The following PKIB variants were observed in gnomAD, a reference collection of about 807,000 sequenced individuals.
The protein encoded by PKIB is cAMP-dependent protein kinase inhibitor beta, also known as PKI-beta.
PKIB carries 2 observed loss-of-function variants against 4.5 expected under a neutral mutation model. The observed-to-expected ratio is 0.44, with a 90% CI of 0.18 to 1.39. The LOEUF is 1.39. Ranked by LOEUF, PKIB falls within the 40% of genes most tolerant of loss-of-function variation. The pLI is 0.27. For missense variants in PKIB, 94 were observed against 92.6 expected (o/e 1.02, Z -0.06); for synonymous variants, 38 against 36.0 (o/e 1.06, Z -0.20).
At chr6:122,690,936 T>A (rs199690153) in intron 3 of PKIB, among the ~76,000 whole-genome samples, 2,008 of 129,464 alleles carry the variant, frequency 0.016, 35 homozygotes, top group African/African-American at 0.054. Context: ...ATATATATTT[T>A]TTTTTTTTTT....
At chr6:122,584,157 A>G (rs1773785618) in intron 2 of PKIB, among the ~76,000 whole-genome samples, 1 of 152,170 alleles carries the variant, frequency 6.6e-6, no homozygotes, top group African/African-American at 2.4e-5. Flanking sequence ...CAGTCTAATC[A>G]GAAAGAAAAT....
rs550083243 is a variant in PKIB at position 122,532,867 on chromosome 6, T to C, written c.-247-53054T>C. Among the ~76,000 whole-genome samples the C allele has an allele frequency of 7.9e-5, 12 of 152,310 alleles. No individual in the cohort carries two copies. The South Asian group carries it at 2.5e-3, about 32-fold the overall frequency. On this transcript the variant is annotated intron_variant, in intron 2 of 6. Coordinates refer to the PKIB transcript ENST00000392491. Reference sequence around the variant, plus strand: ...CCTGCTATAAATTCTTTTGAGTATATACCCAGAAATAATGGGATCACCGAA... The same window carrying C: ...CCTGCTATAAATTCTTTTGAGTATACACCCAGAAATAATGGGATCACCGAA...
Position 122,717,021 on chromosome 6 carries a change from A to T in PKIB, c.-8-766A>T, listed in dbSNP as rs116350321. On this transcript the variant is annotated intron_variant, in intron 3 of 4. Coordinates refer to ENST00000368452, the MANE Select transcript of PKIB (RefSeq NM_181795.3). ...AGAGTTGACTTCTCAGGAGAGATTC[A>T]TTCCAAAACATAATAAAAAGGTCAG... Among the ~76,000 whole-genome samples, 531 of 152,306 alleles carry T rather than the reference A, an allele frequency of 3.5e-3. 2 individuals carry two copies. The highest frequency in any genetic ancestry group is 0.012 in the African/African-American group (512 of 41,578).
At chr6:122,709,675 T>C (rs1353415574) in intron 3 of PKIB, among the ~76,000 whole-genome samples, 2 of 152,188 alleles carry the variant, frequency 1.3e-5, no homozygotes, top group Non-Finnish European at 2.9e-5. Context: ...TTTCCATCTA[T>C]AAATTTTGGT....
At chr6:122,504,090 C>G (rs891301097) in intron 2 of PKIB, among the ~76,000 whole-genome samples, 2 of 152,050 alleles carry the variant, frequency 1.3e-5, no homozygotes, top group African/African-American at 4.8e-5. Flanking sequence ...ATTGCTGGCT[C>G]AGTGTTCTGG....
chr6:122,714,860 C>A (rs1201017199), intron 3 of PKIB, among the ~76,000 whole-genome samples: 1 of 152,172 alleles, frequency 6.6e-6, no homozygotes, highest in Non-Finnish European at 1.5e-5. Flanking sequence ...CGGCTCACTG[C>A]AGCCTCTGCC....
intron 2 of PKIB, among the ~76,000 whole-genome samples, chr6:122,559,265 A>G (rs1280461124): frequency 6.6e-6 from 1 of 151,574 alleles, no homozygotes. Flanking sequence ...ATATATACAT[A>G]AAATAGATAC....
intron 2 of PKIB, among the ~76,000 whole-genome samples, chr6:122,547,196 C>T (rs189594694): frequency 2.0e-5 from 3 of 152,152 alleles, no homozygotes; most frequent in East Asian, 1.9e-4. Context: ...CAAGGTGTCA[C>T]GCCCAGTGTT....
In PKIB at chr6:122,577,056, C is replaced by T. The variant is rs116116794; in HGVS notation, c.-247-8865C>T. 4.9e-3 allele frequency among the ~76,000 whole-genome samples: 752 copies of T among 152,212 alleles called. 6 individuals are homozygous for T. The highest frequency in any genetic ancestry group is 0.017 in the African/African-American group (709 of 41,536). On this transcript the variant is annotated intron_variant, in intron 2 of 6. Coordinates refer to the PKIB transcript ENST00000392491. ...TCAGGGACTGCGCCATACATGATGA[C>T]TCTGTCTTTAAGATTTTACAATACA...
intron 2 of PKIB, among the ~76,000 whole-genome samples, chr6:122,552,875 G>A (rs1049377411): frequency 3.3e-5 from 5 of 152,202 alleles, no homozygotes; most frequent in African/African-American, 1.2e-4. Flanking sequence ...TAGTGGTGGG[G>A]TTGGGTGGAG....
intron 4 of PKIB, among the ~76,000 whole-genome samples, chr6:122,724,851 C>T (rs767290825): frequency 4.6e-5 from 7 of 152,056 alleles, no homozygotes; most frequent in African/African-American, 2.4e-5. Flanking sequence ...AGTCACTTTA[C>T]CTGCTTGTGT....
intron 2 of PKIB, among the ~76,000 whole-genome samples, chr6:122,545,734 G>GCAACATGCAATTTACCCATGTAAC (rs1772472983): frequency 6.6e-6 from 1 of 150,682 alleles, no homozygotes; most frequent in African/African-American, 2.4e-5. Flanking sequence ...CCAAACCCCT[G>GCAACATGCAATTTACCCATGTAAC]CAACATGCAA....
chr6:122,560,969 T>C (rs1038975967), intron 2 of PKIB, among the ~76,000 whole-genome samples: 4 of 152,102 alleles, frequency 2.6e-5, no homozygotes, highest in African/African-American at 9.7e-5. Context: ...TCTATCAATT[T>C]TATTTATCTT....
chr6:122,604,286 A>G (rs1774460983), intron 3 of PKIB, among the ~76,000 whole-genome samples: 1 of 152,168 alleles, frequency 6.6e-6, no homozygotes, highest in Non-Finnish European at 1.5e-5. Flanking sequence ...AAATTGCCAT[A>G]CTCCCCAAAC....
intron 3 of PKIB, among the ~76,000 whole-genome samples, chr6:122,588,237 C>T (rs1773910484): frequency 6.6e-6 from 1 of 152,154 alleles, no homozygotes; most frequent in African/African-American, 2.4e-5. Flanking sequence ...CAGCTTTCTA[C>T]ATATGGCTAG....
rs545694031 is a variant in PKIB, at chr6:122,474,714, A to T, written c.-337+2673A>T. Among the ~76,000 whole-genome samples, 8 of 152,380 alleles carry T rather than the reference A, an allele frequency of 5.3e-5. No individual in the cohort carries two copies. In the South Asian group the frequency reaches 1.7e-3, roughly 32 times the overall value. On this transcript the variant is annotated intron_variant, in intron 1 of 6. Transcript: ENST00000392491. ...GACCAAAATACTTGTCAGAATAGAC[A>T]TGCACAGAAATGGGCTGGGAGATCT...
At chr6:122,605,742 C>T (rs368281950), upstream of PKIB, among the ~76,000 whole-genome samples, 9 of 152,104 alleles carry the variant, frequency 5.9e-5, no homozygotes, top group East Asian at 1.5e-3. Context: ...GTCCCAGGTA[C>T]ATGACTTCTC....
chr6:122,513,988 A>G (rs893904947), intron 2 of PKIB, among the ~76,000 whole-genome samples: 1 of 152,232 alleles, frequency 6.6e-6, no homozygotes, highest in African/African-American at 2.4e-5. Context: ...CAGCATTTGC[A>G]CTAACAGCAT....
chr6:122,669,112 G>A (rs1431633806), intron 2 of PKIB, among the ~76,000 whole-genome samples: 1 of 152,092 alleles, frequency 6.6e-6, no homozygotes, highest in Non-Finnish European at 1.5e-5. Flanking sequence ...GAGTAGAAAG[G>A]CACTTATGCT....
Sources: gnomAD v4.1 joint callset for allele counts (sites outside exome capture counted in the v4.1 genomes callset) on GRCh38, gnomAD v4.1.1 for gene constraint, MANE v1.5 for transcripts, NCBI Gene and HGNC (gene_info 2026-07-23, HGNC 2026-07-21) for gene names.